The following ZCWPW1 variants were observed in gnomAD, a reference collection of about 807,000 sequenced individuals.
The protein encoded by ZCWPW1 is zinc finger CW-type PWWP domain protein 1.
In ZCWPW1, 56 loss-of-function variants were observed where a neutral mutation model predicts 81.3. The observed-to-expected ratio is 0.69, with a 90% CI of 0.56 to 0.86. The LOEUF is 0.86. Ranked by LOEUF, ZCWPW1 falls within the 40% of genes least tolerant of loss-of-function variation. The pLI is 0.00. For missense variants in ZCWPW1, 650 were observed against 769.8 expected, an observed-to-expected ratio of 0.84 and a Z score of 1.84; for synonymous variants, 250 against 273.7, an observed-to-expected ratio of 0.91 and a Z score of 0.86.
chr7:100,415,078 T>A (rs1302164687), intron 8 of ZCWPW1, among the ~76,000 whole-genome samples: 14 of 104,218 alleles, frequency 1.3e-4, no homozygotes, highest in Non-Finnish European at 3.3e-4. Flanking sequence ...CGTACCCATT[T>A]TTTTTTTTTT....
chr7:100,404,395 C>T, intron 13 of ZCWPW1, 151 bp from the exon 14 acceptor site: 2 of 751,584 alleles, frequency 2.7e-6, no homozygotes, highest in South Asian at 1.7e-5. Flanking sequence ...GGGTCTTGCT[C>T]TGTCACCCAG....
chr7:100,414,255 T>G (rs1287284063), intron 8 of ZCWPW1, among the ~76,000 whole-genome samples: 1 of 152,196 alleles, frequency 6.6e-6, no homozygotes, highest in African/African-American at 2.4e-5. Context: ...TATATTATGC[T>G]TCCACAACCA....
intron 1 of ZCWPW1, among the ~76,000 whole-genome samples, chr7:100,427,326 G>A (rs1563154866): frequency 6.8e-6 from 1 of 146,858 alleles, no homozygotes; most frequent in East Asian, 2.0e-4. Context: ...TAACAAGAAA[G>A]AAGAGGCGGG....
At position 100,402,587 on chromosome 7, in the gene ZCWPW1, G is replaced by A. The variant is rs2130346015; in HGVS notation, c.1414-11C>T. The A allele has an allele frequency of 6.2e-7, 1 of 1,613,832 alleles. No individual in the cohort carries two copies. Among genetic ancestry groups the A allele is most frequent in the Non-Finnish European group, 8.5e-7 (1 of 1,179,792 alleles). On this transcript the variant is annotated splice_polypyrimidine_tract_variant and intron_variant, in intron 15 of 17. Transcript: ENST00000684423. The stretch of plus-strand genomic sequence containing the variant: ...GGGCAAAATTGGGTCCTGAGGATGG[G>A]AGAGAAAGTTTAAAAAAATGATAAA...
chr7:100,418,572 C>G (rs987257599), intron 5 of ZCWPW1, among the ~76,000 whole-genome samples: 2 of 152,080 alleles, frequency 1.3e-5, no homozygotes, highest in Admixed American at 6.6e-5. Context: ...GGGCAGATCA[C>G]TTGAGGTCAA....
At chr7:100,422,541 C>A (rs377615042) in intron 2 of ZCWPW1, among the ~76,000 whole-genome samples, 2 of 152,338 alleles carry the variant, frequency 1.3e-5, no homozygotes, top group South Asian at 2.1e-4. Flanking sequence ...TTTCCCACTA[C>A]TGATATTATT....
At chr7:100,416,272 G>C in intron 7 of ZCWPW1, 33 bp downstream of exon 7, 2 of 1,607,444 alleles carry the variant, frequency 1.2e-6, no homozygotes, top group Non-Finnish European at 1.7e-6. Flanking sequence ...TAGTACTTGA[G>C]CCAGGCTTCA....
At chr7:100,401,597 G>GA (rs1490524759) in intron 17 of ZCWPW1, among the ~76,000 whole-genome samples, 1 of 152,092 alleles carries the variant, frequency 6.6e-6, no homozygotes. Flanking sequence ...GAGAGCTATT[G>GA]AAAAAAATTT....
chr7:100,415,001 G>T (rs1447830761), intron 8 of ZCWPW1, among the ~76,000 whole-genome samples: 1 of 150,656 alleles, frequency 6.6e-6, no homozygotes, highest in Non-Finnish European at 1.5e-5. Flanking sequence ...CTCCAGCCTG[G>T]CGACAGAGCA....
At chr7:100,408,853 C>G (rs755141534) in intron 9 of ZCWPW1, among the ~76,000 whole-genome samples, 194 bp from the exon 10 acceptor site, 4 of 149,382 alleles carry the variant, frequency 2.7e-5, no homozygotes, top group Non-Finnish European at 5.9e-5. Flanking sequence ...TGAAATGCAG[C>G]TGGAACCAGC....
chr7:100,401,367 C>T (rs2130293118), intron 17 of ZCWPW1, 31 bp from the exon 18 acceptor site: 10 of 1,507,238 alleles, frequency 6.6e-6, no homozygotes, highest in Non-Finnish European at 8.9e-6. Flanking sequence ...GCCAAGAGTC[C>T]TATTAGGTCA....
At chr7:100,420,711 C>G (rs1796202377) in intron 2 of ZCWPW1, 33 bp from the exon 3 acceptor site, 1 of 1,594,680 alleles carries the variant, frequency 6.3e-7, no homozygotes, top group Non-Finnish European at 8.6e-7. Context: ...TGCTATGACT[C>G]TGATTAAACA....
chr7:100,409,276 C>T (rs1402289537), intron 9 of ZCWPW1, 152 bp downstream of exon 9: 2 of 619,752 alleles, frequency 3.2e-6, no homozygotes, highest in Non-Finnish European at 5.5e-6. Context: ...GATTCATCTC[C>T]ATATGAGAGG....
chr7:100,416,127 G>A, intron 7 of ZCWPW1, 30 bp from the exon 8 acceptor site: 2 of 1,611,868 alleles, frequency 1.2e-6, no homozygotes, highest in Non-Finnish European at 1.7e-6. Flanking sequence ...CGTGAGGTGG[G>A]GAGATGAAGA....
chr7:100,413,660 A>G (rs549307989), intron 8 of ZCWPW1, among the ~76,000 whole-genome samples: 1 of 152,326 alleles, frequency 6.6e-6, no homozygotes, highest in East Asian at 1.9e-4. Context: ...TCACAATTCA[A>G]CTCACAATCA....
In ZCWPW1 at chr7:100,419,934, G is replaced by T. The variant is rs891606649; in HGVS notation, c.29-51C>A. ...TTTATGAAACATACAGTCTAACAGA[G>T]ATTGCCAAACATTACCCTTTGACTA... On this transcript the variant is annotated intron_variant, in intron 3 of 17. Coordinates refer to ENST00000684423, the MANE Select transcript of ZCWPW1 (RefSeq NM_001386010.1). 2.1e-6 allele frequency: 3 copies of T among 1,430,806 alleles called. No homozygotes were observed. The African/African-American group carries it at 4.3e-5, about 20-fold the overall frequency. 88.6% of individuals were successfully genotyped at this position (1,430,806 alleles called of 1,614,324 possible).
At position 100,416,446 on chromosome 7, in the gene ZCWPW1, G is replaced by A. The variant is rs776096523; in HGVS notation, c.490C>T (p.Pro164Ser). 5 of 1,613,260 alleles carry A rather than the reference G, an allele frequency of 3.1e-6. No homozygotes were observed. The East Asian group carries it at 1.1e-4, about 36-fold the overall frequency. ...DTDNANGEEV[P>S]HTQEISVSWE... ...GACACTGAAATCTCTTGAGTATGTGGTACCTCCTCTCTGAAAATGAGGTTT... is the reference window on the plus strand; with the variant it reads ...GACACTGAAATCTCTTGAGTATGTGATACCTCCTCTCTGAAAATGAGGTTT... The change falls in exon 7 of 18, where the codon CCA becomes TCA. Residue 164 changes from proline to serine, a missense_variant. By Grantham distance (74) the Pro-to-Ser change is moderately conservative (BLOSUM62 -1). Transcript: ENST00000684423.
chr7:100,403,376 C>T (rs568006433), intron 15 of ZCWPW1, among the ~76,000 whole-genome samples: 2 of 152,144 alleles, frequency 1.3e-5, no homozygotes, highest in Admixed American at 6.5e-5. Context: ...CCACCATGCC[C>T]GGATAATTTT....
intron 13 of ZCWPW1, 63 bp from the exon 14 acceptor site, chr7:100,404,307 GT>G (rs1664064210): frequency 7.0e-7 from 1 of 1,436,402 alleles, no homozygotes; most frequent in African/African-American, 1.4e-5. Context: ...TTTGCCTTCT[GT>G]CTTCTGGAAT....
Sources: allele counts gnomAD v4.1 joint callset (sites outside exome capture counted in the v4.1 genomes callset), GRCh38; gene constraint gnomAD v4.1.1; transcripts MANE v1.5; gene names NCBI Gene and HGNC (gene_info 2026-07-23, HGNC 2026-07-21).